The following SMIM28 variants were observed in gnomAD, a reference collection of about 807,000 sequenced individuals.
The protein encoded by SMIM28 is small integral membrane protein 28.
In SMIM28 at chr6:138,378,041, A is replaced by G. The variant is rs761973546; in HGVS notation, c.-32A>G. ...TGTTGAAATCTGGGCAGCAAGGTGG[A>G]AGGGTGGCCAGGGCATCAGCTGGAT... On this transcript the variant is annotated 5_prime_UTR_variant, in exon 1 of 2. Coordinates refer to ENST00000573100, the MANE Select transcript of SMIM28 (RefSeq NM_001368163.3). The G allele has an allele frequency of 3.3e-5, 13 of 398,638 alleles. No individual in the cohort carries two copies. The highest frequency in any genetic ancestry group is 4.4e-5 in the Non-Finnish European group (10 of 226,212). 24.7% of individuals were successfully genotyped at this position (398,638 alleles called of 1,614,324 possible).
intron 1 of SMIM28, among the ~76,000 whole-genome samples, chr6:138,378,788 G>T (rs2114741303): frequency 6.6e-6 from 1 of 152,248 alleles, no homozygotes; most frequent in Middle Eastern, 3.4e-3. Flanking sequence ...GAGGAGAAAT[G>T]AGTGACACCG....
chr6:138,378,485 C>A (rs1430490071), intron 1 of SMIM28, among the ~76,000 whole-genome samples: 1 of 152,164 alleles, frequency 6.6e-6, no homozygotes, highest in Non-Finnish European at 1.5e-5. Context: ...AACAGAAATG[C>A]CTCAGTGTTA....
In SMIM28 at chr6:138,383,479, T is replaced by G. The variant is rs886901625; in HGVS notation, c.*632T>G. ...TTTAGTTAAAAAATAATAATAAAGC[T>G]GTCCAAAGTTATCTTCTTTGTAGTG... On this transcript the variant is annotated 3_prime_UTR_variant, in exon 2 of 2. Coordinates refer to ENST00000573100, the MANE Select transcript of SMIM28 (RefSeq NM_001368163.3). Among the ~76,000 whole-genome samples, 3 of 152,190 alleles carry G rather than the reference T, an allele frequency of 2.0e-5. No homozygotes were observed. Among genetic ancestry groups the G allele is most frequent in the African/African-American group, 4.8e-5 (2 of 41,446 alleles).
At chr6:138,382,280 C>T (rs1266467736) in intron 1 of SMIM28, among the ~76,000 whole-genome samples, 1 of 151,812 alleles carries the variant, frequency 6.6e-6, no homozygotes, top group Non-Finnish European at 1.5e-5. Context: ...GCCTGTAATG[C>T]CAGCTACTCG....
rs1375936839 is a variant in SMIM28 at position 138,378,168 on chromosome 6, G to A, written c.96G>A (p.Leu32=). ...CCAGCGAGCCCGGCCTGCCTCTCCT[G>A]GAGACCCAGCTGCAGGTCTGTACTT... The part of the protein sequence containing the change: ...WLTSEPGLPL[L]ETQLQGTQGV... The change falls in exon 1 of 2, where the codon CTG becomes CTA. Residue 32 remains leucine, a synonymous_variant. Coordinates refer to ENST00000573100, the MANE Select transcript of SMIM28 (RefSeq NM_001368163.3). 2.5e-6 allele frequency: 1 copy of A among 398,618 alleles called. No homozygotes were observed. Among genetic ancestry groups the A allele is most frequent in the Non-Finnish European group, 4.4e-6 (1 of 226,092 alleles). The allele number at this position is 398,618 out of a possible 1,614,324, so 24.7% of individuals were successfully genotyped here. A position where few individuals can be genotyped will look rare whatever the true frequency, so the allele number is the denominator to read the frequency against.
At chr6:138,382,414 A>AAAAG (rs1214774039) in intron 1 of SMIM28, 86 bp from the exon 2 acceptor site, 53 of 341,404 alleles carry the variant, frequency 1.6e-4, no homozygotes, top group South Asian at 4.6e-4. Flanking sequence ...AAAAAAAAAA[A>AAAAG]AAAGAAAGAA....
intron 1 of SMIM28, among the ~76,000 whole-genome samples, chr6:138,382,156 G>A (rs1306398345): frequency 6.6e-6 from 1 of 152,122 alleles, no homozygotes; most frequent in Non-Finnish European, 1.5e-5. Flanking sequence ...CAGCACTTTG[G>A]GAGGCCAAGG....
chr6:138,380,505 T>C (rs1387668137), intron 1 of SMIM28, among the ~76,000 whole-genome samples: 7 of 152,182 alleles, frequency 4.6e-5, no homozygotes, highest in Admixed American at 6.5e-5. Flanking sequence ...CAGTGGCTCA[T>C]GCCTGTAATC....
chr6:138,382,030 G>T (rs962244211), intron 1 of SMIM28, among the ~76,000 whole-genome samples: 1 of 152,178 alleles, frequency 6.6e-6, no homozygotes, highest in Non-Finnish European at 1.5e-5. Context: ...ATAAGTAAAT[G>T]ATAGTGATTT....
chr6:138,379,701 T>C (rs955343065), intron 1 of SMIM28, among the ~76,000 whole-genome samples: 1 of 152,162 alleles, frequency 6.6e-6, no homozygotes, highest in African/African-American at 2.4e-5. Flanking sequence ...TGGTGATTCA[T>C]CTAGAAAGAA....
At chr6:138,382,058 T>C (rs778158790) in intron 1 of SMIM28, among the ~76,000 whole-genome samples, 8 of 152,038 alleles carry the variant, frequency 5.3e-5, no homozygotes, top group Non-Finnish European at 1.0e-4. Context: ...TGAGTAATAA[T>C]GGAAAAAAGA....
chr6:138,380,527 G>A (rs1774299048), intron 1 of SMIM28, among the ~76,000 whole-genome samples: 1 of 152,162 alleles, frequency 6.6e-6, no homozygotes, highest in South Asian at 2.1e-4. Context: ...CAGCACTTTG[G>A]GAGGCTGAGG....
chr6:138,380,721 C>T (rs971652252), intron 1 of SMIM28, among the ~76,000 whole-genome samples: 8 of 151,508 alleles, frequency 5.3e-5, no homozygotes, highest in African/African-American at 7.3e-5. Context: ...GAGCCGAGAT[C>T]GCACCACTGC....
At chr6:138,382,396 C>CAAAAAAAAAAAAAAAAAAAAAAAAAA (rs59155652) in intron 1 of SMIM28, 104 bp from the exon 2 acceptor site, 3 of 135,706 alleles carry the variant, frequency 2.2e-5, no homozygotes, top group Non-Finnish European at 4.1e-5. Context: ...GACTGTGTCT[C>CAAAAAAAAAAAAAAAAAAAAAAAAAA]AAAAAAAAAA....
At position 138,383,141 on chromosome 6, in the gene SMIM28, G is replaced by C. The variant is rs1287588172; in HGVS notation, c.*294G>C. ...TGTATAACACTCCTGAGAAAAAAAG[G>C]AAAGTTCTATGTGAGTTGAAAAAAA... On this transcript the variant is annotated 3_prime_UTR_variant, in exon 2 of 2. Transcript: ENST00000573100. 1 of 203,354 alleles carries C rather than the reference G, an allele frequency of 4.9e-6. No individual in the cohort carries two copies. 12.6% of individuals were successfully genotyped at this position (203,354 alleles called of 1,614,324 possible). A position where few individuals can be genotyped will look rare whatever the true frequency, so the allele number is the denominator to read the frequency against.
At chr6:138,379,277 A>G (rs1377341521) in intron 1 of SMIM28, among the ~76,000 whole-genome samples, 1 of 152,204 alleles carries the variant, frequency 6.6e-6, no homozygotes, top group Middle Eastern at 3.2e-3. Flanking sequence ...GCCACTTGCT[A>G]TGTGGACAAA....
intron 1 of SMIM28, among the ~76,000 whole-genome samples, chr6:138,379,998 C>A (rs1162118696): frequency 6.6e-6 from 1 of 152,070 alleles, no homozygotes; most frequent in Non-Finnish European, 1.5e-5. Context: ...TATCTTCTAG[C>A]CGCACCAATA....
intron 1 of SMIM28, among the ~76,000 whole-genome samples, chr6:138,378,920 T>C (rs1245112512): frequency 6.6e-6 from 1 of 152,186 alleles, no homozygotes; most frequent in African/African-American, 2.4e-5. Flanking sequence ...TAAATATATA[T>C]TGATGTGGAT....
At chr6:138,380,766 C>T (rs1227891400) in intron 1 of SMIM28, among the ~76,000 whole-genome samples, 3 of 70,962 alleles carry the variant, frequency 4.2e-5, no homozygotes, top group Non-Finnish European at 7.0e-5. Flanking sequence ...GACCCCGTCT[C>T]TAAATAAATA....
Sources: allele counts gnomAD v4.1 joint callset (sites outside exome capture counted in the v4.1 genomes callset), GRCh38; gene constraint gnomAD v4.1.1; transcripts MANE v1.5; gene names NCBI Gene and HGNC (gene_info 2026-07-23, HGNC 2026-07-21).